CACNA1B: variants seen among roughly 807,000 people sequenced by gnomAD.
CACNA1B encodes calcium voltage-gated channel subunit alpha1 B, also known as voltage-dependent N-type calcium channel subunit alpha-1B.
In CACNA1B, 70 loss-of-function variants were observed where a neutral mutation model predicts 247.2. The observed-to-expected ratio is 0.28, with a 90% confidence interval of 0.23 to 0.35. The LOEUF (loss-of-function observed/expected upper bound fraction) is 0.35, where lower values mean the gene tolerates loss of function less well. Among genes scored for constraint, CACNA1B ranks in the 10% least tolerant of loss-of-function variants. The pLI, the probability that CACNA1B is intolerant of heterozygous loss-of-function variation, is 1.00. For synonymous variants in CACNA1B, 1,231 were observed against 1,294.4 expected, an observed-to-expected ratio of 0.95 and a Z score of 1.05; for missense variants, 2,367 against 3,197.4, an observed-to-expected ratio of 0.74 and a Z score of 6.26.
rs1297010507 is a variant in CACNA1B, at chr9:137,957,332, C to T, written c.1244-266C>T. 1.3e-5 allele frequency among the ~76,000 whole-genome samples: 2 copies of T among 152,220 alleles called. No homozygotes were observed. Among genetic ancestry groups the T allele is most frequent in the Non-Finnish European group, 2.9e-5 (2 of 68,038 alleles). On this transcript the variant is annotated intron_variant, in intron 9 of 46. Transcript: ENST00000371372. The surrounding 1 kb of genome is among the most constrained non-coding windows in gnomAD (Gnocchi z 4.7). ...GCCCCAGATGGACGTTTCCTGGTCT[C>T]CCTGGTGGCCAGGCCTCCCCACTGG...
chr9:138,049,097 T>G (rs2133483862), intron 23 of CACNA1B, 112 bp from the exon 24 acceptor site: 2 of 747,568 alleles, frequency 2.7e-6, no homozygotes, highest in South Asian at 3.0e-5. Flanking sequence ...TTAAGCAGTC[T>G]GCCTGCCTCA....
chr9:137,920,693 A>G (rs1407236079), intron 6 of CACNA1B, among the ~76,000 whole-genome samples: 1 of 152,234 alleles, frequency 6.6e-6, no homozygotes, highest in African/African-American at 2.4e-5. Context: ...TTATGCACGT[A>G]TGCTTTGCTT....
At chr9:138,040,390 T>C (rs1331103935) in intron 20 of CACNA1B, among the ~76,000 whole-genome samples, 1 of 151,940 alleles carries the variant, frequency 6.6e-6, no homozygotes, top group African/African-American at 2.4e-5. Flanking sequence ...CATATATGAC[T>C]GATCTTAATC....
chr9:138,023,459 C>T lies in CACNA1B; in HGVS notation c.2716C>T (p.Arg906Cys), dbSNP rs1304952385. 1.4e-5 allele frequency: 17 copies of T among 1,209,494 alleles called. No homozygotes were observed. Among genetic ancestry groups the T allele is most frequent in the South Asian group, 3.7e-5 (1 of 27,058 alleles). The allele number at this position is 1,209,494 out of a possible 1,614,324, so 74.9% of individuals were successfully genotyped here. Residue 906 changes from arginine to cysteine, a missense_variant, in exon 19 of 47, where the codon CGC becomes TGC. This residue lies in a region of CACNA1B where 631 missense variants were observed against 631.1 expected (regional missense o/e 1.00). Transcript: ENST00000371372. ...AAGPPEARSE[R>C]GRGPGPEGGR... is the part of the protein sequence containing the mutation. ...GGGGCCCCCGGAGGCGCGGAGCGAG[C>T]GCGGCCGAGGCCCAGGCCCCGAGGG...
chr9:138,062,992 C>T (rs1589105640), intron 31 of CACNA1B, among the ~76,000 whole-genome samples: 1 of 152,258 alleles, frequency 6.6e-6, no homozygotes, highest in African/African-American at 2.4e-5. Context: ...CTGGCATAGC[C>T]CAGACCACTG....
At position 138,120,812 on chromosome 9, in the gene CACNA1B, G is replaced by A. The variant is rs1367118648; in HGVS notation, c.6420G>A (p.Lys2140=). Residue 2140 remains lysine (K), a synonymous_variant, in exon 46 of 47, where the codon AAG becomes AAA. Coordinates refer to ENST00000371372, the MANE Select transcript of CACNA1B (RefSeq NM_000718.4). ...CDRFGGREPP[K]PKPSLSSHPT... The stretch of plus-strand genomic sequence containing the variant: ...GCTTTGGGGGCCGTGAGCCCCCGAA[G>A]CCCAAGCCCTCCCTCAGCAGCCACC... The A allele has an allele frequency of 6.4e-7, 1 of 1,563,652 alleles. No homozygotes were observed. The highest frequency in any genetic ancestry group is 8.7e-7 in the Non-Finnish European group (1 of 1,154,326).
chr9:138,120,917 G>T (rs1261335880), intron 46 of CACNA1B, 36 bp downstream of exon 46: 1 of 1,534,926 alleles, frequency 6.5e-7, no homozygotes, highest in East Asian at 2.5e-5. Context: ...GGGCCCAGCT[G>T]CCTCTCCTCG....
intron 38 of CACNA1B, 89 bp from the exon 39 acceptor site, chr9:138,105,610 C>A: frequency 1.4e-6 from 1 of 734,206 alleles, no homozygotes; most frequent in Non-Finnish European, 2.4e-6. Context: ...GATGCCCAGC[C>A]CAGCATCCAG....
rs149599861 is a variant in CACNA1B, at chr9:137,997,975, G to A, written c.1975-8792G>A. ...CCTTAGAACTAAATGTATTTATAGC[G>A]TATGATACTATTTAAGGATGAACAA... On this transcript the variant is annotated intron_variant, in intron 15 of 46. Transcript: ENST00000371372. Among the ~76,000 whole-genome samples, 67 of 152,278 alleles carry A rather than the reference G, an allele frequency of 4.4e-4. 1 individual carries two copies. The highest frequency in any genetic ancestry group is 8.9e-4 in the African/African-American group (37 of 41,536).
At position 138,078,142 on chromosome 9, in the gene CACNA1B, A is replaced by G; in HGVS notation, c.4978A>G (p.Ile1660Val). 6.2e-7 allele frequency: 1 copy of G among 1,613,918 alleles called. No individual in the cohort carries two copies. The highest frequency in any genetic ancestry group is 8.5e-7 in the Non-Finnish European group (1 of 1,179,848). ...CGCCACGGGGGAGGCCTGGCACGAGATCATGCTGTCCTGCCTGAGCAACCA... is the reference window on the plus strand; with the variant it reads ...CGCCACGGGGGAGGCCTGGCACGAGGTCATGCTGTCCTGCCTGAGCAACCA... ...RSATGEAWHE[I>V]MLSCLSNQAC... The change falls in exon 36 of 47, where the codon ATC becomes GTC. Residue 1660 changes from isoleucine to valine, a missense_variant. Physicochemically the swap from Ile to Val is conservative, Grantham distance 29. Around this residue, in one of 12 missense-constraint regions of CACNA1B, gnomAD observed 436 missense variants for 679.5 expected, o/e 0.64. Coordinates refer to ENST00000371372, the MANE Select transcript of CACNA1B (RefSeq NM_000718.4).
At chr9:138,099,466 C>T (rs1214848365) in intron 37 of CACNA1B, among the ~76,000 whole-genome samples, 10 of 152,046 alleles carry the variant, frequency 6.6e-5, no homozygotes, top group African/African-American at 2.2e-4. Context: ...CATGTGTGTG[C>T]CTGTGGATGT....
chr9:137,976,222 C>T (rs1227965395), intron 12 of CACNA1B, among the ~76,000 whole-genome samples: 1 of 152,266 alleles, frequency 6.6e-6, no homozygotes, highest in Non-Finnish European at 1.5e-5. Context: ...GTGTCAGCCT[C>T]AGCAGCTCTC....
At chr9:137,909,134 G>A (rs971196650) in intron 3 of CACNA1B, among the ~76,000 whole-genome samples, 2 of 151,706 alleles carry the variant, frequency 1.3e-5, no homozygotes, top group Admixed American at 6.6e-5. Context: ...GGGATTACAC[G>A]CATGCACCAC....
intron 18 of CACNA1B, among the ~76,000 whole-genome samples, chr9:138,015,369 G>A (rs1404087898): frequency 6.6e-6 from 1 of 152,188 alleles, no homozygotes; most frequent in East Asian, 1.9e-4. Flanking sequence ...TGCACCTGGC[G>A]AGGCCTGGCC....
chr9:137,944,010 T>C (rs141233818), intron 6 of CACNA1B, among the ~76,000 whole-genome samples: 1 of 152,362 alleles, frequency 6.6e-6, no homozygotes, highest in Non-Finnish European at 1.5e-5. Flanking sequence ...AGGTGTCTAT[T>C]AGTACTAACA....
At chr9:137,965,319 G>C in intron 10 of CACNA1B, among the ~76,000 whole-genome samples, 1 of 152,240 alleles carries the variant, frequency 6.6e-6, no homozygotes. Context: ...TGACCAAAGT[G>C]GTGGCCTGCC....
At position 137,956,913 on chromosome 9, in the gene CACNA1B, C is replaced by T. The variant is rs915863797; in HGVS notation, c.1243+86C>T. ...GACACGTGCCTGCTTGCATGTTTCACGCGAAGTGCTCTTGGCAGTGCCAGG... is the reference window on the plus strand; with the variant it reads ...GACACGTGCCTGCTTGCATGTTTCATGCGAAGTGCTCTTGGCAGTGCCAGG... On this transcript the variant is annotated intron_variant, in intron 9 of 46. Transcript: ENST00000371372. 7.8e-5 allele frequency: 87 copies of T among 1,118,448 alleles called. No homozygotes were observed. The Middle Eastern group carries it at 1.0e-3, about 13-fold the overall frequency. The allele number at this position is 1,118,448 out of a possible 1,614,324, so 69.3% of individuals were successfully genotyped here. A position where few individuals can be genotyped will look rare whatever the true frequency, so the allele number is the denominator to read the frequency against.
chr9:137,908,640 T>A (rs918635268), intron 3 of CACNA1B, among the ~76,000 whole-genome samples: 8 of 152,258 alleles, frequency 5.3e-5, no homozygotes, highest in African/African-American at 1.4e-4. Context: ...TTATTATTAT[T>A]ATTTTTTTGA....
chr9:138,079,658 G>A (rs1016000000), intron 36 of CACNA1B, among the ~76,000 whole-genome samples: 8 of 149,686 alleles, frequency 5.3e-5, no homozygotes, highest in East Asian at 4.0e-4. Flanking sequence ...CAAGAGAATC[G>A]CTTGAACCTG....
Sources: gnomAD v4.1 joint callset for allele counts (sites outside exome capture counted in the v4.1 genomes callset) on GRCh38, gnomAD v4.1.1 for gene constraint, gnomAD v4.1.1 regional missense constraint, Gnocchi (gnomAD v3.1) non-coding constraint, MANE v1.5 for transcripts, NCBI Gene and HGNC (gene_info 2026-07-23, HGNC 2026-07-21) for gene names.